Variants in ABLIM2 observed in about 807,000 individuals in gnomAD.
The protein encoded by ABLIM2 is actin binding LIM protein family member 2.
In ABLIM2, 53 loss-of-function variants were observed where a neutral mutation model predicts 97.7. The observed-to-expected ratio is 0.54, with a 90% CI of 0.44 to 0.68. ABLIM2 has a LOEUF of 0.68. Ranked by LOEUF, ABLIM2 falls within the 30% of genes least tolerant of loss-of-function variation. The probability of loss-of-function intolerance (pLI) is 0.00; values close to 1 mark genes in which losing one functional copy is unlikely to be tolerated. For missense variants in ABLIM2, 835 were observed against 867.2 expected, an observed-to-expected ratio of 0.96 and a Z score of 0.47; for synonymous variants, 361 against 345.8, an observed-to-expected ratio of 1.04 and a Z score of -0.49.
chr4:8,154,224 A>C (rs1406995542), intron 1 of ABLIM2, among the ~76,000 whole-genome samples: 1 of 148,966 alleles, frequency 6.7e-6, no homozygotes. Flanking sequence ...GGCCTCCCAA[A>C]GTGCTGGGAT....
rs548155824 is a variant in ABLIM2, at chr4:8,142,528, A to G, written c.10+16152T>C. Among the ~76,000 whole-genome samples, 9 of 152,314 alleles carry G rather than the reference A, an allele frequency of 5.9e-5. No individual in the cohort carries two copies. The East Asian group carries it at 1.7e-3, about 29-fold the overall frequency. On this transcript the variant is annotated intron_variant, in intron 1 of 20. Coordinates refer to ENST00000447017, the MANE Select transcript of ABLIM2 (RefSeq NM_001130083.2). ...GAACAAGATGCTGCTAAGCCTCAAA[A>G]CAAGTGCCCACCCCAGCCCTCTGCT...
At chr4:8,042,135 C>A (rs903104674) in intron 9 of ABLIM2, among the ~76,000 whole-genome samples, 2 of 152,130 alleles carry the variant, frequency 1.3e-5, no homozygotes, top group Non-Finnish European at 2.9e-5. Context: ...GAGTGGAAGG[C>A]CTCGGAAGCA....
At chr4:8,029,189 CTAGCCACAGGTG>C (rs1209520397) in intron 11 of ABLIM2, among the ~76,000 whole-genome samples, 2 of 152,244 alleles carry the variant, frequency 1.3e-5, no homozygotes, top group Non-Finnish European at 2.9e-5. Context: ...GGTGATCAAC[CTAGCCACAGGTG>C]AAATGTTAAT....
chr4:7,969,281 C>T (rs1725597113), intron 20 of ABLIM2, among the ~76,000 whole-genome samples: 2 of 152,054 alleles, frequency 1.3e-5, no homozygotes, highest in Admixed American at 1.3e-4. Flanking sequence ...TGGTGAGACT[C>T]CATCTCTACA....
chr4:8,027,525 TC>T (rs1289219386), intron 12 of ABLIM2, among the ~76,000 whole-genome samples: 6 of 152,320 alleles, frequency 3.9e-5, no homozygotes, highest in African/African-American at 1.2e-4. Context: ...CCTGTAGCTT[TC>T]CAAGCCCTCT....
chr4:7,980,920 C>T (rs1442181649), intron 20 of ABLIM2, among the ~76,000 whole-genome samples: 1 of 145,526 alleles, frequency 6.9e-6, no homozygotes, highest in Admixed American at 7.0e-5. Context: ...GTAATAAGAA[C>T]CATGGTCTCC....
At chr4:7,995,942 T>G (rs1753009846) in intron 16 of ABLIM2, among the ~76,000 whole-genome samples, 1 of 151,840 alleles carries the variant, frequency 6.6e-6, no homozygotes, top group Non-Finnish European at 1.5e-5. Context: ...GGAACCTGCC[T>G]GAGGTCACCC....
chr4:8,124,920 G>A lies in ABLIM2; in HGVS notation c.11-18283C>T, dbSNP rs141716228. On this transcript the variant is annotated intron_variant, in intron 1 of 20. Transcript: ENST00000447017. The surrounding 1 kb of genome is among the most constrained non-coding windows in gnomAD (Gnocchi z 6.1). The stretch of plus-strand genomic sequence containing the variant: ...GCGATTTTGATCCAGCCATTCTAGC[G>A]GATCTGTAATCGCGTCTCACTGGGA... Among the ~76,000 whole-genome samples the A allele has an allele frequency of 1.1e-3, 175 of 152,246 alleles. No individual in the cohort carries two copies. Among genetic ancestry groups the A allele is most frequent in the Non-Finnish European group, 1.5e-3 (99 of 68,034 alleles).
intron 3 of ABLIM2, among the ~76,000 whole-genome samples, chr4:8,093,685 A>G (rs1210968877): frequency 1.2e-4 from 18 of 152,162 alleles, no homozygotes. Flanking sequence ...ATGTTGTTCT[A>G]TTGTCTCCTA....
At chr4:7,968,819 T>C (rs1725196239) in intron 20 of ABLIM2, among the ~76,000 whole-genome samples, 1 of 152,186 alleles carries the variant, frequency 6.6e-6, no homozygotes, top group African/African-American at 2.4e-5. Flanking sequence ...GTGAATACAC[T>C]GAACTGTACT....
intron 1 of ABLIM2, among the ~76,000 whole-genome samples, chr4:8,116,322 A>G (rs2152830481): frequency 6.6e-6 from 1 of 152,280 alleles, no homozygotes; most frequent in Middle Eastern, 3.4e-3. Context: ...CTCTCTGTGC[A>G]TGCCCCCCAA....
At position 8,123,043 on chromosome 4, in the gene ABLIM2, C is replaced by T. The variant is rs1846189306; in HGVS notation, c.11-16406G>A. On this transcript the variant is annotated intron_variant, in intron 1 of 20. Transcript: ENST00000447017. The surrounding 1 kb of genome is among the most constrained non-coding windows in gnomAD (Gnocchi z 6.2). ...CAAGCCTCCTTCCTATCTGCTGCTG[C>T]TCTTCCTGGCATGAAGCAGTCCCCT... Among the ~76,000 whole-genome samples the T allele has an allele frequency of 6.6e-6, 1 of 152,214 alleles. No individual in the cohort carries two copies. Among genetic ancestry groups the T allele is most frequent in the Admixed American group, 6.5e-5 (1 of 15,282 alleles).
chr4:8,079,020 C>A (rs1447156104), intron 5 of ABLIM2, among the ~76,000 whole-genome samples: 2 of 152,254 alleles, frequency 1.3e-5, no homozygotes, highest in African/African-American at 4.8e-5. Flanking sequence ...AGCTCACGTT[C>A]TTTTCCTCCA....
intron 3 of ABLIM2, among the ~76,000 whole-genome samples, chr4:8,092,421 C>T (rs549108113): frequency 5.1e-4 from 78 of 152,236 alleles, no homozygotes; most frequent in African/African-American, 1.8e-3. Flanking sequence ...CCTTTTGTTT[C>T]CAGAGAACTG....
intron 1 of ABLIM2, among the ~76,000 whole-genome samples, chr4:8,114,773 G>C (rs1469587134): frequency 7.3e-6 from 1 of 137,884 alleles, no homozygotes; most frequent in African/African-American, 2.6e-5. Context: ...AGCTAGGCCA[G>C]CACCGGGCCG....
chr4:8,005,623 C>T lies in ABLIM2; in HGVS notation c.1618+2436G>A, dbSNP rs964267411. On this transcript the variant is annotated intron_variant, in intron 16 of 20. Transcript: ENST00000447017. The surrounding 1 kb of genome is among the most constrained non-coding windows in gnomAD (Gnocchi z 4.9). Reference sequence around the variant, plus strand: ...TTCCCGCCTGGATTCCTCAGGAGGCCGCAGACGGCAAGGCTCACCTGATCC... The same window carrying T: ...TTCCCGCCTGGATTCCTCAGGAGGCTGCAGACGGCAAGGCTCACCTGATCC... 2.6e-5 allele frequency among the ~76,000 whole-genome samples: 4 copies of T among 152,178 alleles called. No homozygotes were observed. The highest frequency in any genetic ancestry group is 4.4e-5 in the Non-Finnish European group (3 of 68,032).
rs996503685 is a variant in ABLIM2, at chr4:7,999,551, C to G, written c.1619-6624G>C. On this transcript the variant is annotated intron_variant, in intron 16 of 20. Transcript: ENST00000447017. This position sits in a 1 kb window ranked among gnomAD's most constrained non-coding sequence, Gnocchi z 4.4. Reference sequence around the variant, plus strand: ...AGGAGGGCTCCCTAGCTTCAGGAACCAGTAACCCTATCTGCTCCCAAGCCA... The same window carrying G: ...AGGAGGGCTCCCTAGCTTCAGGAACGAGTAACCCTATCTGCTCCCAAGCCA... 1.3e-5 allele frequency among the ~76,000 whole-genome samples: 2 copies of G among 152,214 alleles called. No individual in the cohort carries two copies. Among genetic ancestry groups the G allele is most frequent in the African/African-American group, 2.4e-5 (1 of 41,444 alleles).
intron 18 of ABLIM2, among the ~76,000 whole-genome samples, chr4:7,984,520 G>A (rs1000921738): frequency 5.9e-5 from 9 of 152,248 alleles, no homozygotes; most frequent in East Asian, 1.9e-4. Flanking sequence ...GCCCAGCGCC[G>A]TCCCGCTCAG....
chr4:8,126,276 CTGGGCACCAGGCCTCG>C (rs1230753957), intron 1 of ABLIM2, among the ~76,000 whole-genome samples: 1 of 152,140 alleles, frequency 6.6e-6, no homozygotes, highest in African/African-American at 2.4e-5. Context: ...TGAGGCCCTG[CTGGGCACCAGGCCTCG>C]TGCCCACACA....
Sources: gnomAD v4.1 joint callset for allele counts (sites outside exome capture counted in the v4.1 genomes callset) on GRCh38, gnomAD v4.1.1 for gene constraint, Gnocchi (gnomAD v3.1) non-coding constraint, MANE v1.5 for transcripts, NCBI Gene and HGNC (gene_info 2026-07-23, HGNC 2026-07-21) for gene names.